The following GHR variants were observed in gnomAD, a reference collection of about 807,000 sequenced individuals.
The protein encoded by GHR is growth hormone receptor.
A neutral mutation model predicts 67.1 loss-of-function variants in GHR; 35 were observed. The ratio of observed to expected loss-of-function variants is 0.52; its 90% CI spans 0.40 to 0.69. GHR has a LOEUF of 0.69. Among genes scored for constraint, GHR ranks in the 30% least tolerant of loss-of-function variants. The pLI, the probability that GHR is intolerant of heterozygous loss-of-function variation, is 0.00. For synonymous variants in GHR, 272 were observed against 269.1 expected (o/e 1.01, Z -0.10); for missense variants, 792 against 764.6 (o/e 1.04, Z -0.42).
Position 42,719,133 on chromosome 5 carries a change from G to T in GHR, c.1626G>T (p.Lys542Asn). ...ACTTCTGTGAGGCAGATGCCAAAAA[G>T]TGCATCCCTGTGGCTCCTCACATCA... Reference protein sequence around the residue: ...NAYFCEADAKKCIPVAPHIKV... With the variant: ...NAYFCEADAKNCIPVAPHIKV... Residue 542 changes from lysine (K) to asparagine (N), a missense_variant, in exon 10 of 10, where the codon AAG becomes AAT. Physicochemically the swap from Lys to Asn is moderately conservative, Grantham distance 94. Coordinates refer to ENST00000230882, the MANE Select transcript of GHR (RefSeq NM_000163.5). The T allele has an allele frequency of 6.2e-7, 1 of 1,614,090 alleles. No individual in the cohort carries two copies. Among genetic ancestry groups the T allele is most frequent in the South Asian group, 1.1e-5 (1 of 91,070 alleles).
intron 1 of GHR, among the ~76,000 whole-genome samples, chr5:42,564,760 C>A (rs1043730112): frequency 1.2e-4 from 18 of 152,286 alleles, no homozygotes; most frequent in Admixed American, 9.8e-4. Context: ...CCATGAAGGG[C>A]TATTCCATTA....
intron 1 of GHR, among the ~76,000 whole-genome samples, chr5:42,479,334 G>T (rs1251647853): frequency 2.6e-5 from 4 of 152,162 alleles, no homozygotes; most frequent in Non-Finnish European, 4.4e-5. Flanking sequence ...AAGGATATTG[G>T]TCTAAAATTC....
At chr5:42,634,521 G>GCACACACACACACACACACA (rs10684580) in intron 3 of GHR, among the ~76,000 whole-genome samples, 16 of 148,928 alleles carry the variant, frequency 1.1e-4, no homozygotes, top group Middle Eastern at 3.5e-3. Context: ...ATTGAATTTT[G>GCACACACACACACACACACA]CACACACACA....
chr5:42,606,801 T>C (rs919209481), intron 2 of GHR, among the ~76,000 whole-genome samples: 6 of 152,000 alleles, frequency 3.9e-5, no homozygotes, highest in Non-Finnish European at 8.8e-5. Flanking sequence ...AGAGAGAAAC[T>C]AGGAGTTGGG....
intron 3 of GHR, among the ~76,000 whole-genome samples, chr5:42,655,334 G>A (rs1318213774): frequency 6.6e-6 from 1 of 152,142 alleles, no homozygotes; most frequent in East Asian, 1.9e-4. Context: ...AAGAGGATAA[G>A]GAGCCCAGGG....
At chr5:42,684,479 A>C (rs1038651916) in intron 3 of GHR, among the ~76,000 whole-genome samples, 38 of 152,226 alleles carry the variant, frequency 2.5e-4, no homozygotes, top group Non-Finnish European at 4.6e-4. Flanking sequence ...GACCTAAAAT[A>C]GTGTTTGTTT....
At chr5:42,492,427 G>T (rs751221223) in intron 1 of GHR, among the ~76,000 whole-genome samples, 1 of 152,126 alleles carries the variant, frequency 6.6e-6, no homozygotes, top group Non-Finnish European at 1.5e-5. Flanking sequence ...TTCACTGTCA[G>T]TTCTTTCTGT....
chr5:42,424,742 C>A lies in GHR; in HGVS notation c.-12+787C>A. 1 of 915,782 alleles carries A rather than the reference C, an allele frequency of 1.1e-6. No homozygotes were observed. The highest frequency in any genetic ancestry group is 1.7e-6 in the Non-Finnish European group (1 of 581,068). The allele number at this position is 915,782 out of a possible 1,614,324, so 56.7% of individuals were successfully genotyped here. A position where few individuals can be genotyped will look rare whatever the true frequency, so the allele number is the denominator to read the frequency against. ...CGCGTGTCTAGGGAGAGGGCGCTGG[C>A]GGCGCAGAGGGTGCGGGGCAGGGCA... On this transcript the variant is annotated intron_variant, in intron 1 of 9. Transcript: ENST00000230882. The surrounding 1 kb of genome is among the most constrained non-coding windows in gnomAD (Gnocchi z 4.1).
intron 1 of GHR, among the ~76,000 whole-genome samples, chr5:42,538,859 C>A (rs958627909): frequency 6.6e-5 from 10 of 152,046 alleles, no homozygotes; most frequent in Admixed American, 4.6e-4. Flanking sequence ...CTTCTTGGAA[C>A]CTTTGTTCAT....
At chr5:42,562,133 G>A (rs907549832) in intron 1 of GHR, among the ~76,000 whole-genome samples, 1 of 152,146 alleles carries the variant, frequency 6.6e-6, no homozygotes, top group Admixed American at 6.5e-5. Flanking sequence ...GGGACATTTT[G>A]TCTCAGCTAG....
At chr5:42,579,303 G>C (rs969093471) in intron 2 of GHR, among the ~76,000 whole-genome samples, 5 of 152,116 alleles carry the variant, frequency 3.3e-5, no homozygotes, top group Non-Finnish European at 5.9e-5. Flanking sequence ...CTTGTTCCAG[G>C]GTATTCTACA....
At chr5:42,715,262 T>C (rs1211918531) in intron 8 of GHR, 4 of 255,044 alleles carry the variant, frequency 1.6e-5, no homozygotes, top group Non-Finnish European at 3.2e-5. Flanking sequence ...TTGCATGTTC[T>C]ACTGAAAGTG....
At chr5:42,703,264 C>A (rs1363545768) in intron 6 of GHR, among the ~76,000 whole-genome samples, 1 of 151,914 alleles carries the variant, frequency 6.6e-6, no homozygotes, top group Non-Finnish European at 1.5e-5. Context: ...TAATTTCATT[C>A]TTCTGCATAT....
intron 1 of GHR, among the ~76,000 whole-genome samples, chr5:42,527,984 A>G (rs1252563880): frequency 6.6e-6 from 1 of 152,182 alleles, no homozygotes; most frequent in Admixed American, 6.5e-5. Flanking sequence ...GCCACAGTTG[A>G]GACCTCCTGC....
intron 1 of GHR, among the ~76,000 whole-genome samples, chr5:42,527,905 C>A (rs1747780132): frequency 6.6e-6 from 1 of 152,152 alleles, no homozygotes; most frequent in East Asian, 1.9e-4. Flanking sequence ...TGTCTATACT[C>A]TATAAATGGA....
chr5:42,492,350 AGTGAAAATGTG>A (rs1463727960), intron 1 of GHR, among the ~76,000 whole-genome samples: 3 of 152,228 alleles, frequency 2.0e-5, no homozygotes, highest in African/African-American at 7.2e-5. Flanking sequence ...TAAAAATTAA[AGTGAAAATGTG>A]GGGAAAGGAC....
intron 1 of GHR, among the ~76,000 whole-genome samples, chr5:42,485,263 C>T (rs552584636): frequency 6.6e-4 from 100 of 152,284 alleles, no homozygotes; most frequent in Non-Finnish European, 1.0e-3. Context: ...GTCTTCCATC[C>T]GGTAAATTTT....
chr5:42,680,560 G>A (rs974327335), intron 3 of GHR, among the ~76,000 whole-genome samples: 4 of 151,526 alleles, frequency 2.6e-5, no homozygotes, highest in African/African-American at 9.7e-5. Context: ...CTGGGGTGCA[G>A]TGACACGATC....
At chr5:42,479,944 G>T (rs1307829729) in intron 1 of GHR, among the ~76,000 whole-genome samples, 2 of 151,542 alleles carry the variant, frequency 1.3e-5, no homozygotes, top group Non-Finnish European at 2.9e-5. Flanking sequence ...GAATATGTTT[G>T]CTCTTGCTTT....
Sources: gnomAD v4.1 joint callset for allele counts (sites outside exome capture counted in the v4.1 genomes callset) on GRCh38, gnomAD v4.1.1 for gene constraint, Gnocchi (gnomAD v3.1) non-coding constraint, MANE v1.5 for transcripts, NCBI Gene and HGNC (gene_info 2026-07-23, HGNC 2026-07-21) for gene names.